The following GARNL3 variants were observed in gnomAD, a reference collection of about 807,000 sequenced individuals.
GARNL3 encodes GTPase activating Rap/RanGAP domain like 3.
Under a neutral mutation model 125.0 loss-of-function variants are expected in GARNL3, and 63 were observed. The ratio of observed to expected loss-of-function variants is 0.50; its 90% CI spans 0.41 to 0.62. GARNL3 has a LOEUF of 0.62. Ranked by LOEUF, GARNL3 falls within the 20% of genes least tolerant of loss-of-function variation. GARNL3 has a pLI of 0.00. For synonymous variants in GARNL3, 439 were observed against 457.5 expected, an observed-to-expected ratio of 0.96 and a Z score of 0.52; for missense variants, 994 against 1,244.0, an observed-to-expected ratio of 0.80 and a Z score of 3.02.
chr9:127,255,625 T>C (rs1452170148), intron 2 of GARNL3, among the ~76,000 whole-genome samples: 1 of 152,206 alleles, frequency 6.6e-6, no homozygotes, highest in Non-Finnish European at 1.5e-5. Context: ...TCTTGAAATA[T>C]TTGATAATAA....
At chr9:127,302,635 A>G (rs1299822698) in intron 2 of GARNL3, among the ~76,000 whole-genome samples, 2 of 152,222 alleles carry the variant, frequency 1.3e-5, no homozygotes, top group Non-Finnish European at 2.9e-5. Flanking sequence ...AAAATTTCTG[A>G]AAAGATACAG....
intron 1 of GARNL3, among the ~76,000 whole-genome samples, chr9:127,237,367 C>A (rs2063131303): frequency 6.6e-6 from 1 of 152,200 alleles, no homozygotes; most frequent in African/African-American, 2.4e-5. Context: ...TGCTTATATC[C>A]TCTCTTTTGC....
Position 127,299,922 on chromosome 9 carries a change from T to C in GARNL3, c.219+8680T>C, listed in dbSNP as rs570964322. ...TTTCACCATATTGGCCAGGCTGGTA[T>C]TGAACTCCTGACCTCAGGTGATCCA... On this transcript the variant is annotated intron_variant, in intron 2 of 27. Coordinates refer to ENST00000373387, the MANE Select transcript of GARNL3 (RefSeq NM_032293.5). Among the ~76,000 whole-genome samples, 129 of 152,230 alleles carry C rather than the reference T, an allele frequency of 8.5e-4. 2 individuals carry two copies. The highest frequency in any genetic ancestry group is 2.9e-3 in the South Asian group (14 of 4,814).
At chr9:127,346,369 G>A (rs774745527) in intron 16 of GARNL3, among the ~76,000 whole-genome samples, 9 of 152,134 alleles carry the variant, frequency 5.9e-5, no homozygotes, top group Admixed American at 2.0e-4. Flanking sequence ...GTGAGCCTAC[G>A]TGCTTTAAAG....
chr9:127,327,266 G>A (rs907558472), intron 7 of GARNL3, among the ~76,000 whole-genome samples: 1 of 152,190 alleles, frequency 6.6e-6, no homozygotes, highest in African/African-American at 2.4e-5. Context: ...ACAGTCTGGT[G>A]GGGTAAGACA....
At chr9:127,375,291 T>G (rs1479711797) in intron 22 of GARNL3, among the ~76,000 whole-genome samples, 4 of 151,918 alleles carry the variant, frequency 2.6e-5, no homozygotes, top group African/African-American at 2.4e-5. Flanking sequence ...GGTGAAACCC[T>G]GTCTCTACTG....
Position 127,291,250 on chromosome 9 carries a change from A to G in GARNL3, c.219+8A>G, listed in dbSNP as rs367668774. On this transcript the variant is annotated splice_region_variant and intron_variant, in intron 2 of 27. Transcript: ENST00000373387. The stretch of plus-strand genomic sequence containing the variant: ...AATGGCTCTTCAGATGAGGTAAGGA[A>G]GCCTCCCCACTTCCTGTAATGCCAC... 2 of 1,612,856 alleles carry G rather than the reference A, an allele frequency of 1.2e-6. No individual in the cohort carries two copies. The highest frequency in any genetic ancestry group is 3.3e-5 in the Admixed American group (2 of 60,020).
At chr9:127,254,575 C>T (rs1171577379) in intron 2 of GARNL3, among the ~76,000 whole-genome samples, 3 of 152,062 alleles carry the variant, frequency 2.0e-5, no homozygotes, top group East Asian at 3.9e-4. Context: ...TTGAGACCAG[C>T]CTGGCCAACA....
chr9:127,311,863 C>A (rs562389326), intron 3 of GARNL3, 128 bp downstream of exon 3: 2 of 626,568 alleles, frequency 3.2e-6, no homozygotes, highest in Non-Finnish European at 5.7e-6. Context: ...GGGCATTTCA[C>A]TTCAAGGTCA....
intron 25 of GARNL3, among the ~76,000 whole-genome samples, chr9:127,387,940 G>A (rs1484279594): frequency 1.3e-5 from 2 of 152,042 alleles, no homozygotes; most frequent in African/African-American, 4.8e-5. Context: ...GAGCCCAGCA[G>A]TTCAAGACCA....
At chr9:127,376,822 A>T (rs1245606369) in intron 22 of GARNL3, among the ~76,000 whole-genome samples, 1 of 152,234 alleles carries the variant, frequency 6.6e-6, no homozygotes, top group Non-Finnish European at 1.5e-5. Flanking sequence ...AAAGTTTTTT[A>T]AAAACTAGCC....
chr9:127,294,594 G>A lies in GARNL3; in HGVS notation c.219+3352G>A, dbSNP rs540043425. Among the ~76,000 whole-genome samples the A allele has an allele frequency of 3.3e-5, 5 of 152,294 alleles. No homozygotes were observed. In the East Asian group the frequency reaches 5.8e-4, roughly 18 times the overall value. Reference sequence around the variant, plus strand: ...TGGGATTACAGGCATGAGCCGCTGCGCCCGGCCTCCAGTGCTTTTAAGGAG... The same window carrying A: ...TGGGATTACAGGCATGAGCCGCTGCACCCGGCCTCCAGTGCTTTTAAGGAG... On this transcript the variant is annotated intron_variant, in intron 2 of 27. Coordinates refer to ENST00000373387, the MANE Select transcript of GARNL3 (RefSeq NM_032293.5).
intron 9 of GARNL3, 32 bp from the exon 10 acceptor site, chr9:127,335,198 G>C: frequency 7.0e-7 from 1 of 1,436,858 alleles, no homozygotes; most frequent in East Asian, 2.3e-5. Context: ...CGAATTCTCT[G>C]TGCTCACTGA....
At chr9:127,328,231 A>G (rs888942740) in intron 7 of GARNL3, among the ~76,000 whole-genome samples, 14 of 152,146 alleles carry the variant, frequency 9.2e-5, no homozygotes, top group Admixed American at 7.9e-4. Flanking sequence ...TTAGGGGGAT[A>G]TTAGCTTGAG....
intron 7 of GARNL3, among the ~76,000 whole-genome samples, chr9:127,329,212 A>G (rs1405713599): frequency 2.6e-5 from 4 of 152,238 alleles, no homozygotes; most frequent in Non-Finnish European, 5.9e-5. Flanking sequence ...AGTAGGTTCA[A>G]GTACTTAACA....
intron 20 of GARNL3, among the ~76,000 whole-genome samples, chr9:127,356,992 C>G (rs1428246271): frequency 2.6e-5 from 4 of 152,226 alleles, no homozygotes; most frequent in African/African-American, 9.7e-5. Context: ...TGGCCTCGAC[C>G]CTTTCCAGTA....
chr9:127,304,593 TG>T (rs2064896723), intron 2 of GARNL3, among the ~76,000 whole-genome samples: 1 of 135,496 alleles, frequency 7.4e-6, no homozygotes, highest in South Asian at 2.5e-4. Flanking sequence ...TGGAGTGCAG[TG>T]GTGTGATCTC....
intron 2 of GARNL3, among the ~76,000 whole-genome samples, chr9:127,310,849 A>G (rs1025752798): frequency 6.6e-6 from 1 of 152,020 alleles, no homozygotes; most frequent in Non-Finnish European, 1.5e-5. Flanking sequence ...GGAAGATGGT[A>G]CCCTCAGCCA....
rs1426737588 is a variant in GARNL3 at position 127,242,315 on chromosome 9, T to C, written c.-28-764T>C. Among the ~76,000 whole-genome samples the C allele has an allele frequency of 6.6e-6, 1 of 152,234 alleles. No individual in the cohort carries two copies. Among genetic ancestry groups the C allele is most frequent in the Non-Finnish European group, 1.5e-5 (1 of 68,042 alleles). On this transcript the variant is annotated intron_variant, in intron 1 of 10. Transcript: ENST00000439286. This position sits in a 1 kb window ranked among gnomAD's most constrained non-coding sequence, Gnocchi z 4.6. The stretch of plus-strand genomic sequence containing the variant: ...AAGTAATTGGATTTTGCTGGCTTGT[T>C]TGTCTGTCAGTTGAGGTAGAGGTGA...
Sources: gnomAD v4.1 joint callset for allele counts (sites outside exome capture counted in the v4.1 genomes callset) on GRCh38, gnomAD v4.1.1 for gene constraint, Gnocchi (gnomAD v3.1) non-coding constraint, MANE v1.5 for transcripts, NCBI Gene and HGNC (gene_info 2026-07-23, HGNC 2026-07-21) for gene names.